The following CUL2 variants were observed in gnomAD, a reference collection of about 807,000 sequenced individuals.
The protein encoded by CUL2 is cullin 2.
Under a neutral mutation model 110.2 loss-of-function variants are expected in CUL2, and 22 were observed. That is an observed-to-expected ratio of 0.20 (90% CI 0.14 to 0.28). The LOEUF is 0.28. Ranked by LOEUF, CUL2 falls within the 10% of genes least tolerant of loss-of-function variation. CUL2 has a pLI of 1.00. For missense variants in CUL2, 631 were observed against 905.5 expected, an observed-to-expected ratio of 0.70 and a Z score of 3.89; for synonymous variants, 279 against 293.2, an observed-to-expected ratio of 0.95 and a Z score of 0.49.
intron 9 of CUL2, among the ~76,000 whole-genome samples, chr10:35,038,685 T>G (rs1164265952): frequency 6.6e-6 from 1 of 151,804 alleles, no homozygotes; most frequent in Non-Finnish European, 1.5e-5. Flanking sequence ...AATTAGCTCT[T>G]GTAATATATA....
chr10:35,058,775 C>T (rs1460759617), intron 4 of CUL2, among the ~76,000 whole-genome samples: 1 of 152,208 alleles, frequency 6.6e-6, no homozygotes, highest in Non-Finnish European at 1.5e-5. Context: ...TGTATAAACA[C>T]TAACCCTCCT....
intron 1 of CUL2, among the ~76,000 whole-genome samples, chr10:35,079,433 T>C (rs541490328): frequency 6.6e-6 from 1 of 152,342 alleles, no homozygotes; most frequent in South Asian, 2.1e-4. Context: ...TGGGGATCCC[T>C]TGCTGAGTCT....
intron 8 of CUL2, among the ~76,000 whole-genome samples, chr10:35,041,388 G>A (rs1746989768): frequency 6.6e-6 from 1 of 152,098 alleles, no homozygotes; most frequent in African/African-American, 2.4e-5. Flanking sequence ...AACCCCTGGG[G>A]GAAAGAAAGG....
At chr10:35,116,544 A>T (rs947876364) in intron 1 of CUL2, among the ~76,000 whole-genome samples, 15 of 151,776 alleles carry the variant, frequency 9.9e-5, no homozygotes, top group African/African-American at 3.4e-4. Flanking sequence ...TTTTTTTGTG[A>T]TCTCGTTTAA....
At chr10:35,055,289 T>C (rs560858813) in intron 4 of CUL2, among the ~76,000 whole-genome samples, 1 of 152,358 alleles carries the variant, frequency 6.6e-6, no homozygotes, top group African/African-American at 2.4e-5. Context: ...ACAATACAAG[T>C]ATTTTAGGCA....
intron 5 of CUL2, 45 bp from the exon 6 acceptor site, chr10:35,049,810 A>G (rs1474218662): frequency 1.0e-5 from 13 of 1,277,120 alleles, no homozygotes; most frequent in Non-Finnish European, 1.3e-5. Context: ...TACTTAGTAT[A>G]TGTTTAACAT....
intron 2 of CUL2, among the ~76,000 whole-genome samples, chr10:35,066,741 T>G (rs986574766): frequency 6.6e-6 from 1 of 152,230 alleles, no homozygotes; most frequent in Non-Finnish European, 1.5e-5. Context: ...CAAATATCAA[T>G]TAGCCTGATA....
intron 12 of CUL2, among the ~76,000 whole-genome samples, chr10:35,032,031 G>A (rs539636871): frequency 9.7e-4 from 148 of 152,094 alleles, no homozygotes; most frequent in African/African-American, 3.4e-3. Flanking sequence ...ATTTTTAAAA[G>A]AACACCTAGG....
chr10:35,013,616 GCA>G, intron 19 of CUL2, 81 bp downstream of exon 19: 1 of 873,658 alleles, frequency 1.1e-6, no homozygotes, highest in Non-Finnish European at 1.7e-6. Context: ...GCAAAGTTTT[GCA>G]CAATCTCAAT....
At chr10:35,034,366 T>TA (rs571622210) in intron 10 of CUL2, among the ~76,000 whole-genome samples, 101 of 152,112 alleles carry the variant, frequency 6.6e-4, no homozygotes, top group African/African-American at 2.2e-3. Flanking sequence ...TTTGAAGAAA[T>TA]AAAAAAATAG....
At chr10:35,041,864 T>C (rs984456933) in intron 8 of CUL2, among the ~76,000 whole-genome samples, 1 of 152,176 alleles carries the variant, frequency 6.6e-6, no homozygotes, top group African/African-American at 2.4e-5. Flanking sequence ...ATAAACATTC[T>C]TTTCCAAACA....
At chr10:35,042,577 C>T (rs1199541083) in intron 8 of CUL2, among the ~76,000 whole-genome samples, 1 of 152,128 alleles carries the variant, frequency 6.6e-6, no homozygotes, top group East Asian at 1.9e-4. Context: ...AAAGCCCCAC[C>T]CTGTACGCTG....
At chr10:35,070,196 A>T (rs746852983) in intron 2 of CUL2, among the ~76,000 whole-genome samples, 1 of 152,192 alleles carries the variant, frequency 6.6e-6, no homozygotes, top group Non-Finnish European at 1.5e-5. Context: ...AAAAAATATA[A>T]AAGATCTTTT....
At chr10:35,119,667 C>G (rs1282945366) in intron 1 of CUL2, among the ~76,000 whole-genome samples, 1 of 151,802 alleles carries the variant, frequency 6.6e-6, no homozygotes, top group African/African-American at 2.4e-5. Context: ...AACTCCTAGA[C>G]CCAAGGGATC....
At chr10:35,117,191 A>T (rs2087618999) in intron 1 of CUL2, among the ~76,000 whole-genome samples, 1 of 152,224 alleles carries the variant, frequency 6.6e-6, no homozygotes, top group Non-Finnish European at 1.5e-5. Flanking sequence ...TGGGACAGAC[A>T]CAACCAGATA....
intron 16 of CUL2, 121 bp from the exon 17 acceptor site, chr10:35,025,319 T>A (rs2085309316): frequency 2.3e-6 from 3 of 1,317,582 alleles, no homozygotes; most frequent in Non-Finnish European, 2.9e-6. Flanking sequence ...AAAGCCCATC[T>A]GGTTTACCTC....
At chr10:35,017,870 G>A (rs1203679724) in intron 17 of CUL2, among the ~76,000 whole-genome samples, 2 of 128,612 alleles carry the variant, frequency 1.6e-5, no homozygotes, top group East Asian at 2.2e-4. Flanking sequence ...TGTTCCATAC[G>A]TGTTTAAAAA....
chr10:35,107,576 T>C (rs780256758), intron 1 of CUL2, among the ~76,000 whole-genome samples: 74 of 150,754 alleles, frequency 4.9e-4, no homozygotes, highest in Non-Finnish European at 8.6e-4. Context: ...TTAACATTTA[T>C]TAATTTTAAA....
chr10:35,057,044 C>T (rs182495925), intron 4 of CUL2, among the ~76,000 whole-genome samples: 30 of 152,340 alleles, frequency 2.0e-4, no homozygotes, highest in African/African-American at 6.7e-4. Context: ...AAAAATTCTG[C>T]TGTCAGGATG....
Sources: gnomAD v4.1 joint callset for allele counts (sites outside exome capture counted in the v4.1 genomes callset) on GRCh38, gnomAD v4.1.1 for gene constraint, MANE v1.5 for transcripts, NCBI Gene and HGNC (gene_info 2026-07-23, HGNC 2026-07-21) for gene names.